Variants in ZC3H7B observed in about 807,000 individuals in gnomAD.
ZC3H7B encodes zinc finger CCCH-type containing 7B.
A neutral mutation model predicts 116.0 loss-of-function variants in ZC3H7B; 35 were observed. That is an observed-to-expected ratio of 0.30 (90% CI 0.23 to 0.40). The LOEUF is 0.40. Among genes scored for constraint, ZC3H7B ranks in the 10% least tolerant of loss-of-function variants. The probability of loss-of-function intolerance (pLI) is 1.00; values close to 1 mark genes in which losing one functional copy is unlikely to be tolerated. For synonymous variants in ZC3H7B, 502 were observed against 545.6 expected (o/e 0.92, Z 1.11); for missense variants, 1,011 against 1,321.5 (o/e 0.77, Z 3.64).
At chr22:41,342,184 G>A (rs1008148399) in intron 11 of ZC3H7B, among the ~76,000 whole-genome samples, 1 of 152,172 alleles carries the variant, frequency 6.6e-6, no homozygotes, top group Admixed American at 6.5e-5. Flanking sequence ...TGGGGGATTG[G>A]GGGAGGGCAT....
chr22:41,319,063 G>A lies in ZC3H7B; in HGVS notation c.-6-1592G>A, dbSNP rs967293680. Among the ~76,000 whole-genome samples, 12 of 152,112 alleles carry A rather than the reference G, an allele frequency of 7.9e-5. No homozygotes were observed. The East Asian group carries it at 1.7e-3, about 22-fold the overall frequency. On this transcript the variant is annotated intron_variant, in intron 1 of 22. Coordinates refer to ENST00000352645, the MANE Select transcript of ZC3H7B (RefSeq NM_017590.6). Reference sequence around the variant, plus strand: ...ATGGGTGGATCACTTGAGGTCAGGCGTTTGAGACTAGCCTGGCCAACATGG... The same window carrying A: ...ATGGGTGGATCACTTGAGGTCAGGCATTTGAGACTAGCCTGGCCAACATGG...
At chr22:41,340,961 C>G in intron 10 of ZC3H7B, 127 bp from the exon 11 acceptor site, 1 of 826,246 alleles carries the variant, frequency 1.2e-6, no homozygotes, top group South Asian at 1.8e-5. Flanking sequence ...AGGGGTTCAG[C>G]AGGAGTAGGA....
chr22:41,325,485 G>A (rs2036305898), intron 2 of ZC3H7B, 79 bp from the exon 3 acceptor site: 4 of 1,550,190 alleles, frequency 2.6e-6, no homozygotes, highest in African/African-American at 1.4e-5. Flanking sequence ...TGAGGTCTGA[G>A]TTGGAGGAGT....
chr22:41,316,464 T>C (rs1041555252), intron 1 of ZC3H7B, among the ~76,000 whole-genome samples: 1 of 151,104 alleles, frequency 6.6e-6, no homozygotes, highest in African/African-American at 2.4e-5. Context: ...CCCAGCTAAT[T>C]TTTGTATTTT....
At chr22:41,343,869 C>T (rs1252139255) in intron 13 of ZC3H7B, among the ~76,000 whole-genome samples, 1 of 152,194 alleles carries the variant, frequency 6.6e-6, no homozygotes, top group Non-Finnish European at 1.5e-5. Flanking sequence ...GCCTACATGA[C>T]TCATAGGGGG....
At chr22:41,303,114 C>A (rs1569227655) in intron 1 of ZC3H7B, among the ~76,000 whole-genome samples, 1 of 152,172 alleles carries the variant, frequency 6.6e-6, no homozygotes, top group Non-Finnish European at 1.5e-5. Context: ...TACAGCCATC[C>A]CCTCCGTGGT....
chr22:41,345,973 C>A, intron 13 of ZC3H7B, 30 bp from the exon 14 acceptor site: 3 of 1,612,184 alleles, frequency 1.9e-6, no homozygotes, highest in Non-Finnish European at 2.5e-6. Context: ...CCCCGCCTGG[C>A]GGAACGTGTG....
intron 1 of ZC3H7B, among the ~76,000 whole-genome samples, chr22:41,315,352 G>GTTTTTTTTTTT (rs34182958): frequency 8.4e-6 from 1 of 118,884 alleles, no homozygotes; most frequent in Non-Finnish European, 1.7e-5. Context: ...AATTTCTAGT[G>GTTTTTTTTTTT]TTTTTTTTTT....
In ZC3H7B at chr22:41,351,392, T is replaced by G. The variant is rs535979509; in HGVS notation, c.1949-169T>G. ...CTCGGAGCAGGTCTTTGTTCCCATT[T>G]TGCAGATGGACAAAGTGGTTCCCTT... On this transcript the variant is annotated intron_variant, in intron 16 of 22. Coordinates refer to ENST00000352645, the MANE Select transcript of ZC3H7B (RefSeq NM_017590.6). This position sits in a 1 kb window ranked among gnomAD's most constrained non-coding sequence, Gnocchi z 5.1. 2.3e-4 allele frequency among the ~76,000 whole-genome samples: 35 copies of G among 152,338 alleles called. No homozygotes were observed. Among genetic ancestry groups the G allele is most frequent in the African/African-American group, 8.2e-4 (34 of 41,562 alleles).
At chr22:41,328,828 G>A (rs2145918006) in intron 5 of ZC3H7B, among the ~76,000 whole-genome samples, 1 of 152,100 alleles carries the variant, frequency 6.6e-6, no homozygotes, top group East Asian at 1.9e-4. Flanking sequence ...GGGGGTTGCA[G>A]GAGATTGTTT....
intron 16 of ZC3H7B, among the ~76,000 whole-genome samples, chr22:41,350,267 C>T (rs544689757): frequency 1.3e-5 from 2 of 152,084 alleles, no homozygotes; most frequent in Non-Finnish European, 2.9e-5. Flanking sequence ...GGGAATGAGG[C>T]CTGAGAGGTT....
intron 1 of ZC3H7B, among the ~76,000 whole-genome samples, chr22:41,319,834 G>A (rs1392193285): frequency 1.3e-5 from 2 of 151,994 alleles, no homozygotes; most frequent in Non-Finnish European, 2.9e-5. Context: ...TTTGAAACCA[G>A]CCTGGCCAAC....
At chr22:41,345,903 C>A in intron 13 of ZC3H7B, 100 bp from the exon 14 acceptor site, 2 of 1,262,524 alleles carry the variant, frequency 1.6e-6, no homozygotes, top group Non-Finnish European at 2.3e-6. Flanking sequence ...CCCTGCCTGG[C>A]TCATGGGGCC....
At chr22:41,317,054 G>A (rs1253535517) in intron 1 of ZC3H7B, among the ~76,000 whole-genome samples, 1 of 151,958 alleles carries the variant, frequency 6.6e-6, no homozygotes, top group East Asian at 1.9e-4. Flanking sequence ...CACCATGTTG[G>A]CCAGGCTGGT....
Position 41,357,030 on chromosome 22 carries a change from G to T in ZC3H7B, c.2682-147G>T. The stretch of plus-strand genomic sequence containing the variant: ...AGCTGTGGGGCAGATCCCAGAGAGG[G>T]TCAGGACACCCAGGTTTTCCCTGAG... On this transcript the variant is annotated intron_variant, in intron 22 of 22. Coordinates refer to ENST00000352645, the MANE Select transcript of ZC3H7B (RefSeq NM_017590.6). The surrounding 1 kb of genome is among the most constrained non-coding windows in gnomAD (Gnocchi z 5.4). 7.2e-7 allele frequency: 1 copy of T among 1,393,360 alleles called. No homozygotes were observed. Among genetic ancestry groups the T allele is most frequent in the South Asian group, 1.4e-5 (1 of 72,516 alleles). 86.3% of individuals were successfully genotyped at this position (1,393,360 alleles called of 1,614,324 possible). A position where few individuals can be genotyped will look rare whatever the true frequency, so the allele number is the denominator to read the frequency against.
intron 11 of ZC3H7B, 151 bp downstream of exon 11, chr22:41,341,297 C>T (rs2036519865): frequency 6.6e-6 from 6 of 904,942 alleles, no homozygotes; most frequent in East Asian, 5.7e-5. Context: ...ATGATCACCT[C>T]GTGCCCTTCC....
chr22:41,334,086 A>G (rs987756845), intron 7 of ZC3H7B: 3 of 152,290 alleles, frequency 2.0e-5, no homozygotes, highest in African/African-American at 7.2e-5. Flanking sequence ...GGGGTCCTGG[A>G]ACAGGAGATA....
At chr22:41,321,829 CTTTT>C (rs199611879) in intron 2 of ZC3H7B, among the ~76,000 whole-genome samples, 2 of 91,022 alleles carry the variant, frequency 2.2e-5, no homozygotes, top group South Asian at 6.6e-4. Flanking sequence ...AACTCACATT[CTTTT>C]TTTTTTTTTT....
rs1228135706 is a variant in ZC3H7B, at chr22:41,340,220, T to G, written c.1138+83T>G. 2.1e-6 allele frequency: 3 copies of G among 1,397,998 alleles called. No individual in the cohort carries two copies. In the South Asian group the frequency reaches 4.1e-5, roughly 19 times the overall value. 86.6% of individuals were successfully genotyped at this position (1,397,998 alleles called of 1,614,324 possible). Reference sequence around the variant, plus strand: ...CTCTTTGGTGCCTGGAGAGTGGAGTTGAGTTACAGATCTGTTTGTCCCCAT... The same window carrying G: ...CTCTTTGGTGCCTGGAGAGTGGAGTGGAGTTACAGATCTGTTTGTCCCCAT... On this transcript the variant is annotated intron_variant, in intron 10 of 22. Coordinates refer to ENST00000352645, the MANE Select transcript of ZC3H7B (RefSeq NM_017590.6).
Sources: allele counts gnomAD v4.1 joint callset (sites outside exome capture counted in the v4.1 genomes callset), GRCh38; gene constraint gnomAD v4.1.1; non-coding constraint Gnocchi (gnomAD v3.1); transcripts MANE v1.5; gene names NCBI Gene and HGNC (gene_info 2026-07-23, HGNC 2026-07-21).